VOPP1: variants seen among roughly 807,000 people sequenced by gnomAD.
The protein encoded by VOPP1 is VOPP1 WW domain binding protein.
VOPP1 carries 8 observed loss-of-function variants against 23.5 expected under a neutral mutation model. The ratio of observed to expected loss-of-function variants is 0.34; its 90% CI spans 0.20 to 0.61. The LOEUF (loss-of-function observed/expected upper bound fraction) is 0.61. Ranked by LOEUF, VOPP1 falls within the 20% of genes least tolerant of loss-of-function variation. VOPP1 has a pLI of 0.78. For synonymous variants in VOPP1, 83 were observed against 97.3 expected (o/e 0.85, Z 0.86); for missense variants, 174 against 238.1 (o/e 0.73, Z 1.77).
chr7:55,503,031 G>A (rs1794476712), intron 2 of VOPP1, among the ~76,000 whole-genome samples: 1 of 152,206 alleles, frequency 6.6e-6, no homozygotes, highest in Non-Finnish European at 1.5e-5. Flanking sequence ...TATAGCAGCA[G>A]ACATGGGCCC....
rs1184852547 is a variant in VOPP1 at position 55,440,909 on chromosome 7, C to CCT, written n.418-4737_418-4736dup. On this transcript the variant is annotated intron_variant and non_coding_transcript_variant, in intron 4 of 4. Transcript: ENST00000462326. The stretch of plus-strand genomic sequence containing the variant: ...GAGCAGAACATCCACGCCCCTCACT[C>CCT]CTCCTTGTCCTGTGCCAAAACCATG... 2.0e-5 allele frequency among the ~76,000 whole-genome samples: 3 copies of CCT among 152,356 alleles called. No individual in the cohort carries two copies. The East Asian group carries it at 5.8e-4, about 29-fold the overall frequency.
chr7:55,484,057 C>T (rs1792946640), intron 4 of VOPP1, among the ~76,000 whole-genome samples: 1 of 152,212 alleles, frequency 6.6e-6, no homozygotes. Context: ...CGCACCCAGC[C>T]ATCTTTTTCT....
At chr7:55,564,413 C>G (rs2129056875) in intron 1 of VOPP1, among the ~76,000 whole-genome samples, 2 of 152,216 alleles carry the variant, frequency 1.3e-5, no homozygotes, top group South Asian at 4.2e-4. Flanking sequence ...AACTAAAGAG[C>G]TAAAGAGTTT....
At chr7:55,455,821 TA>T (rs1274738321) in intron 4 of VOPP1, among the ~76,000 whole-genome samples, 34 of 152,174 alleles carry the variant, frequency 2.2e-4, no homozygotes, top group Non-Finnish European at 5.0e-4. Context: ...ATTAAATACT[TA>T]AACGTAAGAC....
intron 4 of VOPP1, among the ~76,000 whole-genome samples, chr7:55,476,635 C>T (rs1301996927): frequency 1.3e-5 from 2 of 152,160 alleles, no homozygotes; most frequent in Non-Finnish European, 2.9e-5. Context: ...TTTTAGTCAG[C>T]CCCTCCAAAC....
intron 4 of VOPP1, among the ~76,000 whole-genome samples, chr7:55,476,343 A>G (rs1193455040): frequency 6.8e-6 from 1 of 147,642 alleles, no homozygotes; most frequent in Admixed American, 6.7e-5. Flanking sequence ...GCCCAGCCCC[A>G]CGGGTGCCAG....
chr7:55,514,880 C>A (rs1795304233), intron 2 of VOPP1, among the ~76,000 whole-genome samples: 1 of 152,194 alleles, frequency 6.6e-6, no homozygotes, highest in Non-Finnish European at 1.5e-5. Flanking sequence ...AAGGTAGATG[C>A]AAAGAAGTGG....
chr7:55,473,451 G>A (rs1379415171), intron 4 of VOPP1, among the ~76,000 whole-genome samples: 1 of 152,212 alleles, frequency 6.6e-6, no homozygotes, highest in Non-Finnish European at 1.5e-5. Flanking sequence ...CTGAAGTAAG[G>A]TCTCCATTCT....
chr7:55,572,419 C>G lies in VOPP1; in HGVS notation c.-95G>C. On this transcript the variant is annotated 5_prime_UTR_variant, in exon 1 of 5. Transcript: ENST00000285279. Reference sequence around the variant, plus strand: ...GCGGGGCGGGCGGGCAGACTGCAGCCGGGAGCCGTCCCGCCGACCGCTGGG... The same window carrying G: ...GCGGGGCGGGCGGGCAGACTGCAGCGGGGAGCCGTCCCGCCGACCGCTGGG... 1.1e-6 allele frequency: 1 copy of G among 903,044 alleles called. No homozygotes were observed. Among genetic ancestry groups the G allele is most frequent in the Non-Finnish European group, 1.4e-6 (1 of 719,138 alleles). 55.9% of individuals were successfully genotyped at this position (903,044 alleles called of 1,614,324 possible). A position where few individuals can be genotyped will look rare whatever the true frequency, so the allele number is the denominator to read the frequency against.
rs1554302403 is a variant in VOPP1, at chr7:55,564,243, G to GTCTCTGTCTCTCTCTCTCTCTCTCTCTC, written c.54+8027_54+8028insGAGAGAGAGAGAGAGAGAGAGACAGAGA. 2.9e-4 allele frequency among the ~76,000 whole-genome samples: 37 copies of GTCTCTGTCTCTCTCTCTCTCTCTCTCTC among 125,974 alleles called. 1 individual carries two copies. Among genetic ancestry groups the GTCTCTGTCTCTCTCTCTCTCTCTCTCTC allele is most frequent in the Non-Finnish European group, 4.1e-4 (25 of 60,760 alleles). The allele number at this position is 125,974 out of a possible 152,430, so 82.6% of individuals were successfully genotyped here. On this transcript the variant is annotated intron_variant, in intron 1 of 4. Transcript: ENST00000285279. ...CAACACACTCTTTCTCTCTGTCTCT[G>GTCTCTGTCTCTCTCTCTCTCTCTCTCTC]TCTCTCTCTCTCTCTCTCTCTCTCG...
At chr7:55,547,228 C>T (rs891568663) in intron 1 of VOPP1, among the ~76,000 whole-genome samples, 2 of 151,994 alleles carry the variant, frequency 1.3e-5, no homozygotes, top group African/African-American at 4.8e-5. Flanking sequence ...AGGCTGGGGA[C>T]GGGGGACAAA....
chr7:55,472,984 G>C lies in VOPP1; in HGVS notation c.390C>G (p.Val130=), dbSNP rs772828041. Residue 130 remains valine (V), a synonymous_variant, in exon 5 of 5, where the codon GTC becomes GTG. Transcript: ENST00000285279. ...TDPGGPGMNP[V]GNSMAMAFQV... ...GGAAAGCCATTGCCATGGAATTCCC[G>C]ACAGGGTTCATCCCCGGTCCTCCTG... 9 of 1,593,310 alleles carry C rather than the reference G, an allele frequency of 5.6e-6. No homozygotes were observed. The highest frequency in any genetic ancestry group is 7.7e-6 in the Non-Finnish European group (9 of 1,172,324).
chr7:55,476,780 C>G (rs185592507), intron 4 of VOPP1, among the ~76,000 whole-genome samples: 1 of 152,210 alleles, frequency 6.6e-6, no homozygotes, highest in African/African-American at 2.4e-5. Flanking sequence ...AGGGGCAGAG[C>G]TCGTTCCTGC....
rs766639294 is a variant in VOPP1, at chr7:55,472,918, C to T, written c.456G>A (p.Pro152=). The change falls in exon 5 of 5, where the codon CCG becomes CCA. Residue 152 remains proline, a synonymous_variant. Transcript: ENST00000285279. ...PNSPQGSVAC[P]PPPAYCNTPP... ...GCGTGTTGCAGTAGGCTGGAGGGGG[C>T]GGGCAGGCCACACTCCCCTGGGGTG... 2.2e-5 allele frequency: 33 copies of T among 1,534,410 alleles called. No individual in the cohort carries two copies. In the East Asian group the frequency reaches 3.3e-4, roughly 15 times the overall value.
chr7:55,572,240 C>A, intron 1 of VOPP1, 31 bp downstream of exon 1: 1 of 1,507,096 alleles, frequency 6.6e-7, no homozygotes, highest in South Asian at 1.2e-5. Flanking sequence ...GGGCGCCGCG[C>A]CTCCGGCAGC....
intron 4 of VOPP1, among the ~76,000 whole-genome samples, chr7:55,438,882 C>G (rs1790896057): frequency 6.6e-6 from 1 of 152,112 alleles, no homozygotes; most frequent in African/African-American, 2.4e-5. Context: ...CTAGACAGAT[C>G]TTGAGCTGGA....
At chr7:55,455,653 T>A (rs1266637503) in intron 4 of VOPP1, among the ~76,000 whole-genome samples, 1 of 152,040 alleles carries the variant, frequency 6.6e-6, no homozygotes, top group Non-Finnish European at 1.5e-5. Flanking sequence ...ACACCACACA[T>A]CTACAACCAT....
At chr7:55,515,892 G>T in intron 2 of VOPP1, 2 of 865,460 alleles carry the variant, frequency 2.3e-6, no homozygotes, top group Non-Finnish European at 1.4e-6. Flanking sequence ...TGTGCTGTTT[G>T]CTGCTTTGGA....
chr7:55,564,203 C>T (rs1243819228), intron 1 of VOPP1, among the ~76,000 whole-genome samples: 4 of 151,066 alleles, frequency 2.6e-5, no homozygotes, highest in African/African-American at 9.7e-5. Context: ...GGAGCTTCTT[C>T]AATAATAATC....
Sources: gnomAD v4.1 joint callset for allele counts (sites outside exome capture counted in the v4.1 genomes callset) on GRCh38, gnomAD v4.1.1 for gene constraint, MANE v1.5 for transcripts, NCBI Gene and HGNC (gene_info 2026-07-23, HGNC 2026-07-21) for gene names.